The following NRDC variants were observed in gnomAD, a reference collection of about 807,000 sequenced individuals.
NRDC encodes the protein nardilysin convertase.
Under a neutral mutation model 147.1 loss-of-function variants are expected in NRDC, and 54 were observed. The ratio of observed to expected loss-of-function variants is 0.37; its 90% CI spans 0.29 to 0.46. The LOEUF (loss-of-function observed/expected upper bound fraction) is 0.46, where lower values mean the gene tolerates loss of function less well. NRDC is among the 20% of genes least tolerant of loss of function. The pLI is 1.00. For synonymous variants in NRDC, 440 were observed against 482.1 expected, an observed-to-expected ratio of 0.91 and a Z score of 1.14; for missense variants, 1,082 against 1,370.6, an observed-to-expected ratio of 0.79 and a Z score of 3.33.
chr1:51,794,701 C>CA (rs1678811985), intron 23 of NRDC, 91 bp from the exon 24 acceptor site: 3 of 1,582,188 alleles, frequency 1.9e-6, no homozygotes, highest in Admixed American at 1.8e-5. Context: ...ACACCAGCCT[C>CA]AAAAAAATCT....
At chr1:51,810,431 G>GAT in intron 15 of NRDC, 27 bp from the exon 16 acceptor site, 1 of 1,599,154 alleles carries the variant, frequency 6.3e-7, no homozygotes. Flanking sequence ...AGGGGAAAGA[G>GAT]ATACACACAA....
intron 1 of NRDC, among the ~76,000 whole-genome samples, chr1:51,876,405 A>G (rs1272711363): frequency 6.6e-6 from 1 of 152,230 alleles, no homozygotes; most frequent in East Asian, 1.9e-4. Context: ...AAATTCATTT[A>G]TGGTTCATAT....
Position 51,863,420 on chromosome 1 carries a change from C to G in NRDC, c.341+14855G>C, listed in dbSNP as rs114275529. Among the ~76,000 whole-genome samples the G allele has an allele frequency of 9.0e-3, 1,364 of 152,050 alleles. 34 individuals carry two copies. The South Asian group carries it at 0.095, about 11-fold the overall frequency. ...CTGTCTCAAGAAAAAAAAAAATTAG[C>G]TTTTGGTGCAGATTTAATAATGTTT... On this transcript the variant is annotated intron_variant, in intron 1 of 30. Transcript: ENST00000352171.
chr1:51,846,387 TAC>T (rs1288826922), intron 1 of NRDC, among the ~76,000 whole-genome samples: 4 of 152,236 alleles, frequency 2.6e-5, no homozygotes, highest in Non-Finnish European at 4.4e-5. Context: ...GTGCAGGAAT[TAC>T]AGACATGAGC....
intron 22 of NRDC, chr1:51,795,339 A>G: frequency 1.6e-6 from 1 of 638,552 alleles, no homozygotes; most frequent in Non-Finnish European, 2.3e-6. Context: ...AGTGATTTCT[A>G]CTGGAGGAAA....
chr1:51,870,529 T>G (rs965479376), intron 1 of NRDC, among the ~76,000 whole-genome samples: 8 of 152,252 alleles, frequency 5.3e-5, no homozygotes, highest in African/African-American at 1.7e-4. Flanking sequence ...GCTTCCCCTA[T>G]GCATCCCACT....
intron 4 of NRDC, among the ~76,000 whole-genome samples, chr1:51,833,454 A>C (rs1408402144): frequency 6.6e-6 from 1 of 152,060 alleles, no homozygotes; most frequent in Non-Finnish European, 1.5e-5. Context: ...AAAAAAAAAA[A>C]AAAGTCATAA....
chr1:51,850,964 TA>T (rs1681918381), intron 1 of NRDC, among the ~76,000 whole-genome samples: 1 of 152,210 alleles, frequency 6.6e-6, no homozygotes, highest in South Asian at 2.1e-4. Flanking sequence ...TTTGGTTCTC[TA>T]AACACCGGCA....
Position 51,791,579 on chromosome 1 carries a change from T to G in NRDC, c.2959A>C (p.Asn987His). The stretch of plus-strand genomic sequence containing the variant: ...TCATCTATTCACTCACTCACTCACT[T>G]GTATTTGGTTGCCTGAGTCCCCACA... Reference protein sequence around the residue: ...VTVGTQATKYNSEVVDKKIEE... With the variant: ...VTVGTQATKYHSEVVDKKIEE... Residue 987 changes from asparagine (N) to histidine (H), a missense_variant and splice_region_variant, in exon 27 of 31, where the codon AAT becomes CAT. Coordinates refer to ENST00000352171, the MANE Select transcript of NRDC (RefSeq NM_001101662.2). 1 of 1,608,202 alleles carries G rather than the reference T, an allele frequency of 6.2e-7. No individual in the cohort carries two copies. The highest frequency in any genetic ancestry group is 8.5e-7 in the Non-Finnish European group (1 of 1,174,590).
chr1:51,877,729 G>A (rs1438949513), intron 1 of NRDC, among the ~76,000 whole-genome samples: 2 of 152,082 alleles, frequency 1.3e-5, no homozygotes, highest in African/African-American at 4.8e-5. Flanking sequence ...GGACGAGGTC[G>A]CCCAACCGTT....
Position 51,794,829 on chromosome 1 carries a change from A to G in NRDC, c.2630T>C (p.Val877Ala). ...AGAAAATTCAAATACTTACTCAACA[A>G]CATATTTCAGGAAATCCATAGATTC... is the stretch of plus-strand genomic sequence containing the variant. The part of the protein sequence containing the change: ...STESMDFLKY[V>A]VDKLNFKPLE... The change falls in exon 23 of 31, where the codon GTT (valine) becomes GCT (alanine). Residue 877 changes from valine (V) to alanine (A), a missense_variant. Physicochemically the swap from Val to Ala is moderately conservative, Grantham distance 64 (BLOSUM62 0). Coordinates refer to ENST00000352171, the MANE Select transcript of NRDC (RefSeq NM_001101662.2). 1 of 1,614,166 alleles carries G rather than the reference A, an allele frequency of 6.2e-7. No individual in the cohort carries two copies. The highest frequency in any genetic ancestry group is 8.5e-7 in the Non-Finnish European group (1 of 1,180,010).
intron 22 of NRDC, among the ~76,000 whole-genome samples, chr1:51,796,976 A>G (rs1023091746): frequency 2.7e-5 from 4 of 150,938 alleles, no homozygotes; most frequent in Admixed American, 1.3e-4. Context: ...CGAGGTGGGC[A>G]GATCACGAGG....
chr1:51,865,826 C>T (rs535347580), intron 1 of NRDC, among the ~76,000 whole-genome samples: 11 of 151,158 alleles, frequency 7.3e-5, no homozygotes, highest in African/African-American at 1.7e-4. Flanking sequence ...GCCAAGAGGG[C>T]GGATCAGGAG....
intron 14 of NRDC, 100 bp downstream of exon 14, chr1:51,813,935 G>A: frequency 2.5e-6 from 2 of 800,328 alleles, no homozygotes; most frequent in South Asian, 1.6e-5. Flanking sequence ...CAGAATGACA[G>A]AATTAAAACT....
chr1:51,837,974 C>G (rs1275011182), intron 2 of NRDC, among the ~76,000 whole-genome samples: 1 of 152,158 alleles, frequency 6.6e-6, no homozygotes, highest in Non-Finnish European at 1.5e-5. Context: ...GATCATAAAA[C>G]CACTCTTAAG....
Position 51,876,294 on chromosome 1 carries a change from C to G in NRDC, c.341+1981G>C, listed in dbSNP as rs76887442. 2.1e-3 allele frequency among the ~76,000 whole-genome samples: 322 copies of G among 152,196 alleles called. 7 individuals are homozygous for G. Among genetic ancestry groups the G allele is most frequent in the East Asian group, 0.011 (55 of 5,178 alleles). On this transcript the variant is annotated intron_variant, in intron 1 of 30. Transcript: ENST00000352171. The stretch of plus-strand genomic sequence containing the variant: ...GGTTGAGTATCCTTTATCCGAAACA[C>G]TCGGGACCAAAAGTATTTCAAATTT...
chr1:51,816,958 C>T (rs563226996), intron 10 of NRDC, among the ~76,000 whole-genome samples: 1 of 152,278 alleles, frequency 6.6e-6, no homozygotes, highest in South Asian at 2.1e-4. Flanking sequence ...TATAAAAATG[C>T]TTTATCACAT....
intron 15 of NRDC, among the ~76,000 whole-genome samples, 184 bp downstream of exon 15, chr1:51,811,806 AACTT>A (rs1679732307): frequency 1.3e-5 from 2 of 152,194 alleles, no homozygotes; most frequent in Admixed American, 6.5e-5. Flanking sequence ...CTTATATTAA[AACTT>A]AATTATGTAA....
At chr1:51,831,088 T>C (rs1680686352) in intron 4 of NRDC, among the ~76,000 whole-genome samples, 1 of 152,242 alleles carries the variant, frequency 6.6e-6, no homozygotes, top group Non-Finnish European at 1.5e-5. Context: ...ATGCAGTGGC[T>C]TTCTTATTGG....
Sources: allele counts gnomAD v4.1 joint callset (sites outside exome capture counted in the v4.1 genomes callset), GRCh38; gene constraint gnomAD v4.1.1; transcripts MANE v1.5; gene names NCBI Gene and HGNC (gene_info 2026-07-23, HGNC 2026-07-21).